Variants in PTPRG observed in about 807,000 individuals in gnomAD.
The protein encoded by PTPRG is protein tyrosine phosphatase receptor type G, also known as receptor-type tyrosine-protein phosphatase gamma.
A neutral mutation model predicts 165.3 loss-of-function variants in PTPRG; 102 were observed. The ratio of observed to expected loss-of-function variants is 0.62; its 90% CI spans 0.53 to 0.73. PTPRG has a LOEUF of 0.73. PTPRG is among the 30% of genes least tolerant of loss of function. The pLI, the probability that PTPRG is intolerant of heterozygous loss-of-function variation, is 0.00. For missense variants in PTPRG, 1,866 were observed against 1,861.4 expected (o/e 1.00, Z -0.05); for synonymous variants, 675 against 669.5 (o/e 1.01, Z -0.13).
At chr3:62,160,913 A>G (rs1704735413) in intron 7 of PTPRG, among the ~76,000 whole-genome samples, 1 of 141,848 alleles carries the variant, frequency 7.0e-6, no homozygotes, top group African/African-American at 2.7e-5. Flanking sequence ...GAGTGGACAG[A>G]AAAGGTTTAA....
At position 62,297,005 on chromosome 3, in the gene PTPRG, T is replaced by C. The variant is rs147227789; in HGVS notation, c.*3698T>C. ...AGTGACTCCTTTTTTGTTAGGACATTTGAAACTAGCAAGCAGCCATTGTTT... is the reference window on the plus strand; with the variant it reads ...AGTGACTCCTTTTTTGTTAGGACATCTGAAACTAGCAAGCAGCCATTGTTT... On this transcript the variant is annotated 3_prime_UTR_variant, in exon 30 of 30. Transcript: ENST00000474889. 27 of 152,176 alleles carry C rather than the reference T, an allele frequency of 1.8e-4. No homozygotes were observed. Among genetic ancestry groups the C allele is most frequent in the African/African-American group, 6.0e-4 (25 of 41,544 alleles). The allele number at this position is 152,176 out of a possible 1,614,324, so 9.4% of individuals were successfully genotyped here. A position where few individuals can be genotyped will look rare whatever the true frequency, so the allele number is the denominator to read the frequency against.
chr3:62,038,077 C>T (rs933007430), intron 4 of PTPRG, among the ~76,000 whole-genome samples: 1 of 152,074 alleles, frequency 6.6e-6, no homozygotes, highest in Non-Finnish European at 1.5e-5. Flanking sequence ...GGTTCATGTC[C>T]CAGCTCTATT....
intron 17 of PTPRG, among the ~76,000 whole-genome samples, chr3:62,265,896 TACACACACACACAC>T (rs143246257): frequency 7.7e-6 from 1 of 130,526 alleles, no homozygotes; most frequent in Admixed American, 7.5e-5. Flanking sequence ...GTGCCTTATA[TACACACACACACAC>T]ACACACACAC....
intron 2 of PTPRG, among the ~76,000 whole-genome samples, chr3:61,827,719 G>A (rs866883885): frequency 6.6e-6 from 1 of 152,088 alleles, no homozygotes; most frequent in African/African-American, 2.4e-5. Flanking sequence ...ATACATACAT[G>A]ATAAACAGCA....
At chr3:61,892,674 G>A (rs1014141948) in intron 2 of PTPRG, among the ~76,000 whole-genome samples, 4 of 152,042 alleles carry the variant, frequency 2.6e-5, no homozygotes, top group African/African-American at 9.7e-5. Context: ...AAATTAGCCG[G>A]GTGTGGTGGA....
intron 4 of PTPRG, among the ~76,000 whole-genome samples, chr3:62,036,989 A>G (rs1410253025): frequency 2.0e-5 from 3 of 148,870 alleles, no homozygotes; most frequent in East Asian, 3.9e-4. Flanking sequence ...GCACGCACAC[A>G]CACACACACA....
In PTPRG at chr3:62,203,025, T is replaced by A. The variant is rs547770553; in HGVS notation, c.1378-148T>A. ...CATGGACCACCTAATGTCAACTTTA[T>A]GCCATACATTGGAAAACTCCATAGC... On this transcript the variant is annotated intron_variant, in intron 11 of 29. Transcript: ENST00000474889. This position sits in a 1 kb window ranked among gnomAD's most constrained non-coding sequence, Gnocchi z 6.4. The A allele has an allele frequency of 2.2e-6, 3 of 1,359,786 alleles. No individual in the cohort carries two copies. Among genetic ancestry groups the A allele is most frequent in the Admixed American group, 5.8e-5 (2 of 34,652 alleles). 84.2% of individuals were successfully genotyped at this position (1,359,786 alleles called of 1,614,324 possible). A position where few individuals can be genotyped will look rare whatever the true frequency, so the allele number is the denominator to read the frequency against.
At chr3:61,563,455 A>T (rs570389877) in intron 1 of PTPRG, among the ~76,000 whole-genome samples, 1 of 152,042 alleles carries the variant, frequency 6.6e-6, no homozygotes, top group South Asian at 2.1e-4. Flanking sequence ...CCTCTCTTGC[A>T]GGTCCCCCGG....
intron 2 of PTPRG, among the ~76,000 whole-genome samples, chr3:61,830,566 G>GTTTTTTTTTTT (rs57644199): frequency 2.0e-4 from 17 of 86,518 alleles, no homozygotes; most frequent in South Asian, 3.7e-4. Context: ...TTTTGTTTTT[G>GTTTTTTTTTTT]TTTTTTTTTT....
intron 1 of PTPRG, among the ~76,000 whole-genome samples, chr3:61,651,861 T>G (rs529766947): frequency 1.3e-5 from 2 of 151,982 alleles, no homozygotes; most frequent in Admixed American, 6.5e-5. Flanking sequence ...AATACAAAAC[T>G]TAGCCGGGCA....
chr3:62,281,850 G>A (rs773061570), intron 27 of PTPRG, 141 bp downstream of exon 27: 20 of 820,930 alleles, frequency 2.4e-5, no homozygotes, highest in East Asian at 6.5e-5. Context: ...TACATTTTCC[G>A]TTTTTCTTCC....
chr3:62,085,077 C>T (rs900957292), intron 5 of PTPRG, among the ~76,000 whole-genome samples: 3 of 152,156 alleles, frequency 2.0e-5, no homozygotes, highest in African/African-American at 7.2e-5. Flanking sequence ...GTGTCTTGTT[C>T]CTCTTCTTTT....
At position 61,828,820 on chromosome 3, in the gene PTPRG, G is replaced by C. The variant is rs565926976; in HGVS notation, c.190+79838G>C. 2.6e-5 allele frequency among the ~76,000 whole-genome samples: 4 copies of C among 152,316 alleles called. No individual in the cohort carries two copies. The South Asian group carries it at 8.3e-4, about 32-fold the overall frequency. ...TGACAGGGATTATGTGAAAAGAGGT[G>C]AGCTGTGGTTTTCATGTCCCTGAGG... On this transcript the variant is annotated intron_variant, in intron 2 of 29. Coordinates refer to ENST00000474889, the MANE Select transcript of PTPRG (RefSeq NM_002841.4).
intron 2 of PTPRG, among the ~76,000 whole-genome samples, chr3:61,839,912 C>T (rs1191161418): frequency 2.6e-5 from 4 of 152,042 alleles, no homozygotes. Flanking sequence ...TTTTGTAATC[C>T]TAATGCATCT....
Position 62,195,106 on chromosome 3 carries a change from C to A in PTPRG, c.1263C>A (p.Phe421Leu), listed in dbSNP as rs1181462732. The change falls in exon 10 of 30, where the codon TTC becomes TTA. Residue 421 changes from phenylalanine (F) to leucine (L), a missense_variant. By Grantham distance (22) the Phe-to-Leu change is conservative. This residue lies in a region of PTPRG where 1,452 missense variants were observed against 1,463.0 expected (regional missense o/e 0.99). Transcript: ENST00000474889. This position sits in a 1 kb window ranked among gnomAD's most constrained non-coding sequence, Gnocchi z 4.4. ...SHVSPDSLYL[F>L]RVQAVCRNDM... ...TCTCACCCGATAGCCTTTACCTGTT[C>A]CGAGTCCAGGCCGTGTGTCGGAACG... 2 of 1,614,126 alleles carry A rather than the reference C, an allele frequency of 1.2e-6. No homozygotes were observed. The highest frequency in any genetic ancestry group is 1.7e-6 in the Non-Finnish European group (2 of 1,180,044).
intron 1 of PTPRG, among the ~76,000 whole-genome samples, chr3:61,618,080 C>G (rs1041454920): frequency 2.0e-5 from 3 of 152,088 alleles, no homozygotes; most frequent in South Asian, 2.1e-4. Context: ...GGTGGAAGAA[C>G]TATTCTTGCA....
At chr3:62,003,659 T>C (rs1410643618) in intron 4 of PTPRG, among the ~76,000 whole-genome samples, 162 bp downstream of exon 4, 1 of 152,204 alleles carries the variant, frequency 6.6e-6, no homozygotes, top group Non-Finnish European at 1.5e-5. Context: ...TGGGTATCCA[T>C]CCTTGTTTCT....
rs1700607965 is a variant in PTPRG at position 62,219,856 on chromosome 3, T to C, written c.2288+873T>C. Among the ~76,000 whole-genome samples the C allele has an allele frequency of 6.6e-6, 1 of 152,240 alleles. No individual in the cohort carries two copies. Among genetic ancestry groups the C allele is most frequent in the Non-Finnish European group, 1.5e-5 (1 of 68,050 alleles). On this transcript the variant is annotated intron_variant, in intron 13 of 29. Coordinates refer to ENST00000474889, the MANE Select transcript of PTPRG (RefSeq NM_002841.4). This position sits in a 1 kb window ranked among gnomAD's most constrained non-coding sequence, Gnocchi z 4.5. Reference sequence around the variant, plus strand: ...CCTTACTGTCATGGAGCTTACAGTTTAGTGGAGGAGGCAGGCAATAAACAA... The same window carrying C: ...CCTTACTGTCATGGAGCTTACAGTTCAGTGGAGGAGGCAGGCAATAAACAA...
chr3:61,909,150 G>A (rs1451154849), intron 2 of PTPRG, among the ~76,000 whole-genome samples: 1 of 152,158 alleles, frequency 6.6e-6, no homozygotes, highest in Non-Finnish European at 1.5e-5. Flanking sequence ...GAGCCCACGT[G>A]CTCAGTGGTG....
Sources: gnomAD v4.1 joint callset for allele counts (sites outside exome capture counted in the v4.1 genomes callset) on GRCh38, gnomAD v4.1.1 for gene constraint, gnomAD v4.1.1 regional missense constraint, Gnocchi (gnomAD v3.1) non-coding constraint, MANE v1.5 for transcripts, NCBI Gene and HGNC (gene_info 2026-07-23, HGNC 2026-07-21) for gene names.